The following SLC13A1 variants were observed in gnomAD, a reference collection of about 807,000 sequenced individuals.
The protein encoded by SLC13A1 is solute carrier family 13 member 1.
A neutral mutation model predicts 70.0 loss-of-function variants in SLC13A1; 65 were observed. The ratio of observed to expected loss-of-function variants is 0.93; its 90% CI spans 0.76 to 1.14. The LOEUF (loss-of-function observed/expected upper bound fraction) is 1.14, where lower values mean the gene tolerates loss of function less well. Ranked by LOEUF, SLC13A1 falls within the 50% of genes most tolerant of loss-of-function variation. SLC13A1 has a pLI of 0.00. For synonymous variants in SLC13A1, 275 were observed against 250.5 expected (o/e 1.10, Z -0.92); for missense variants, 726 against 717.8 (o/e 1.01, Z -0.13).
At chr7:123,154,523 A>G (rs1794653614) in intron 6 of SLC13A1, among the ~76,000 whole-genome samples, 1 of 152,058 alleles carries the variant, frequency 6.6e-6, no homozygotes, top group Non-Finnish European at 1.5e-5. Flanking sequence ...TCCTCCAATT[A>G]TGGCTCTGTC....
At chr7:123,146,778 C>A (rs1425419874) in intron 7 of SLC13A1, among the ~76,000 whole-genome samples, 1 of 152,180 alleles carries the variant, frequency 6.6e-6, no homozygotes, top group African/African-American at 2.4e-5. Context: ...GTTCACCATT[C>A]ATTACTTAAG....
chr7:123,177,237 G>A (rs1003791950), intron 2 of SLC13A1, among the ~76,000 whole-genome samples: 5 of 151,928 alleles, frequency 3.3e-5, no homozygotes, highest in African/African-American at 1.2e-4. Context: ...CCAACCATAT[G>A]CCATATCTAA....
In SLC13A1 at chr7:123,169,811, A is replaced by C. The variant is rs572568199; in HGVS notation, c.366-476T>G. On this transcript the variant is annotated intron_variant, in intron 3 of 14. Coordinates refer to ENST00000194130, the MANE Select transcript of SLC13A1 (RefSeq NM_022444.4). ...AGGGGTGTCAAGGAGGTACAAGGAC[A>C]AAGAAAGATTAATATTTATAAAGCC... Among the ~76,000 whole-genome samples the C allele has an allele frequency of 2.6e-5, 4 of 152,316 alleles. No individual in the cohort carries two copies. The South Asian group carries it at 8.3e-4, about 32-fold the overall frequency.
In SLC13A1 at chr7:123,181,069, G is replaced by A. The variant is rs369110800; in HGVS notation, c.132C>T (p.Val44=). Residue 44 remains valine, a synonymous_variant, in exon 2 of 15, where the codon GTC becomes GTT. Transcript: ENST00000194130. ...EAECAYTLFV[V]ATFWLTEALP... ...ATGCTTCTGTGAGCCAAAATGTGGC[G>A]ACCACAAAGAGTGTGTAGGCACATT... is the stretch of plus-strand genomic sequence containing the variant. 22 of 1,612,394 alleles carry A rather than the reference G, an allele frequency of 1.4e-5. No homozygotes were observed. Among genetic ancestry groups the A allele is most frequent in the Admixed American group, 3.3e-5 (2 of 59,830 alleles).
rs561626296 is a variant in SLC13A1 at position 123,143,586 on chromosome 7, C to T, written c.812+3573G>A. Among the ~76,000 whole-genome samples, 130 of 152,296 alleles carry T rather than the reference C, an allele frequency of 8.5e-4. 1 individual carries two copies. Among genetic ancestry groups the T allele is most frequent in the African/African-American group, 2.9e-3 (119 of 41,566 alleles). On this transcript the variant is annotated intron_variant, in intron 7 of 14. Coordinates refer to ENST00000194130, the MANE Select transcript of SLC13A1 (RefSeq NM_022444.4). Reference sequence around the variant, plus strand: ...CAAGAATGCTCTCTGCAACATGCTGCCACTGCCAGGGAATGAGGGAGGGGC... The same window carrying T: ...CAAGAATGCTCTCTGCAACATGCTGTCACTGCCAGGGAATGAGGGAGGGGC...
At chr7:123,125,474 C>A in intron 11 of SLC13A1, 95 bp downstream of exon 11, 1 of 867,902 alleles carries the variant, frequency 1.2e-6, no homozygotes, top group South Asian at 1.5e-5. Context: ...CCAGCATAGA[C>A]TTTCTTTCTG....
chr7:123,163,567 G>A (rs1794979869), intron 6 of SLC13A1, among the ~76,000 whole-genome samples: 3 of 151,978 alleles, frequency 2.0e-5, no homozygotes, highest in Admixed American at 6.6e-5. Context: ...AATGATCATC[G>A]TTATTATCTG....
At chr7:123,121,441 C>T (rs1027945303) in intron 12 of SLC13A1, among the ~76,000 whole-genome samples, 1 of 152,072 alleles carries the variant, frequency 6.6e-6, no homozygotes, top group Non-Finnish European at 1.5e-5. Flanking sequence ...CTCAAATATC[C>T]TCTTTCCACT....
intron 3 of SLC13A1, among the ~76,000 whole-genome samples, 185 bp downstream of exon 3, chr7:123,171,582 GT>G (rs771357596): frequency 1.3e-5 from 2 of 150,918 alleles, no homozygotes; most frequent in South Asian, 2.1e-4. Flanking sequence ...AGTGAAAGTT[GT>G]TTTTTTTTCC....
At chr7:123,171,497 G>A (rs1353576643) in intron 3 of SLC13A1, among the ~76,000 whole-genome samples, 1 of 152,158 alleles carries the variant, frequency 6.6e-6, no homozygotes, top group Non-Finnish European at 1.5e-5. Flanking sequence ...GCTTCTCTCA[G>A]CTTTGACTTC....
intron 13 of SLC13A1, 111 bp downstream of exon 13, chr7:123,118,970 G>T: frequency 1.2e-6 from 1 of 848,008 alleles, no homozygotes; most frequent in African/African-American, 1.7e-5. Context: ...GTTACTTACA[G>T]GAGGCCCATT....
chr7:123,181,101 C>T lies in SLC13A1; in HGVS notation c.100G>A (p.Glu34Lys), dbSNP rs765881476. ...LPLPIVLHTK[E>K]AECAYTLFVV... ...AAGAGTGTGTAGGCACATTCTGCTT[C>T]CTGGTAAGAACAAATGCAAAGCAAA... Residue 34 changes from glutamate to lysine, a missense_variant and splice_region_variant, in exon 2 of 15, where the codon GAA (glutamate) becomes AAA (lysine). Physicochemically the swap from Glu to Lys is moderately conservative, Grantham distance 56. Transcript: ENST00000194130. 6 of 1,610,338 alleles carry T rather than the reference C, an allele frequency of 3.7e-6. No individual in the cohort carries two copies. The highest frequency in any genetic ancestry group is 4.2e-6 in the Non-Finnish European group (5 of 1,178,036).
At chr7:123,199,708 T>A in intron 1 of SLC13A1, 140 bp downstream of exon 1, 2 of 618,494 alleles carry the variant, frequency 3.2e-6, no homozygotes, top group Non-Finnish European at 2.9e-6. Context: ...CAAAACATCA[T>A]GTACAACCAT....
chr7:123,175,580 G>A (rs1404684360), intron 2 of SLC13A1, among the ~76,000 whole-genome samples: 1 of 152,104 alleles, frequency 6.6e-6, no homozygotes, highest in Non-Finnish European at 1.5e-5. Flanking sequence ...ATGTGAGGAT[G>A]CAGCAGCAAG....
intron 2 of SLC13A1, among the ~76,000 whole-genome samples, chr7:123,180,764 A>T (rs535033794): frequency 6.6e-6 from 1 of 152,244 alleles, no homozygotes; most frequent in South Asian, 2.1e-4. Context: ...TCCCACTGAC[A>T]TGCATGACTC....
At chr7:123,161,043 G>C (rs1457701137) in intron 6 of SLC13A1, among the ~76,000 whole-genome samples, 2 of 151,514 alleles carry the variant, frequency 1.3e-5, no homozygotes, top group Non-Finnish European at 1.5e-5. Flanking sequence ...ACAGAACAAA[G>C]TAATAAAGAA....
At chr7:123,164,494 G>T (rs1187947922) in intron 6 of SLC13A1, among the ~76,000 whole-genome samples, 1 of 151,530 alleles carries the variant, frequency 6.6e-6, no homozygotes, top group African/African-American at 2.4e-5. Context: ...GAATCAAATT[G>T]TAATAATTTC....
intron 8 of SLC13A1, among the ~76,000 whole-genome samples, chr7:123,132,328 A>C: frequency 6.6e-6 from 1 of 151,880 alleles, no homozygotes; most frequent in East Asian, 1.9e-4. Context: ...CATGGAACCC[A>C]TGGCCACAGG....
At chr7:123,145,656 C>G (rs1176857194) in intron 7 of SLC13A1, among the ~76,000 whole-genome samples, 4 of 152,062 alleles carry the variant, frequency 2.6e-5, no homozygotes, top group African/African-American at 9.7e-5. Flanking sequence ...TTTCAGAAGC[C>G]TCTCATTTAT....
Sources: gnomAD v4.1 joint callset for allele counts (sites outside exome capture counted in the v4.1 genomes callset) on GRCh38, gnomAD v4.1.1 for gene constraint, MANE v1.5 for transcripts, NCBI Gene and HGNC (gene_info 2026-07-23, HGNC 2026-07-21) for gene names.